ADGRB3: variants seen among roughly 807,000 people sequenced by gnomAD.
ADGRB3 encodes the protein adhesion G protein-coupled receptor B3.
In ADGRB3, 37 loss-of-function variants were observed where a neutral mutation model predicts 193.4. The ratio of observed to expected loss-of-function variants is 0.19; its 90% CI spans 0.15 to 0.25. ADGRB3 has a LOEUF of 0.25. Ranked by LOEUF, ADGRB3 falls within the 10% of genes least tolerant of loss-of-function variation. The pLI, the probability that ADGRB3 is intolerant of heterozygous loss-of-function variation, is 1.00. For synonymous variants in ADGRB3, 690 were observed against 644.2 expected (o/e 1.07, Z -1.08); for missense variants, 1,637 against 1,852.9 (o/e 0.88, Z 2.14).
chr6:68,647,110 A>G (rs182251247), intron 3 of ADGRB3, among the ~76,000 whole-genome samples: 1 of 152,340 alleles, frequency 6.6e-6, no homozygotes, highest in Admixed American at 6.5e-5. Flanking sequence ...AAGGTGTAGT[A>G]GCTCTCTAGA....
At chr6:69,173,101 G>A (rs917603772) in intron 17 of ADGRB3, among the ~76,000 whole-genome samples, 8 of 152,192 alleles carry the variant, frequency 5.3e-5, no homozygotes, top group African/African-American at 1.9e-4. Context: ...ACAGTGGTGT[G>A]ATGTCGGCTC....
intron 3 of ADGRB3, among the ~76,000 whole-genome samples, chr6:68,662,577 C>T (rs560192084): frequency 4.0e-5 from 6 of 151,484 alleles, no homozygotes; most frequent in African/African-American, 1.2e-4. Flanking sequence ...TAAACAATTG[C>T]TTTAGGAGTC....
intron 26 of ADGRB3, among the ~76,000 whole-genome samples, chr6:69,340,515 C>T (rs898071864): frequency 3.9e-5 from 6 of 152,152 alleles, no homozygotes; most frequent in East Asian, 3.9e-4. Flanking sequence ...AACACATGTA[C>T]GTATGAGTAT....
At chr6:68,821,298 A>G (rs1767744159) in intron 3 of ADGRB3, among the ~76,000 whole-genome samples, 1 of 152,026 alleles carries the variant, frequency 6.6e-6, no homozygotes, top group Non-Finnish European at 1.5e-5. Context: ...GTCTAAAAAC[A>G]GCAAAAAGTC....
intron 3 of ADGRB3, among the ~76,000 whole-genome samples, chr6:68,925,672 C>T (rs1404264503): frequency 6.6e-6 from 1 of 151,878 alleles, no homozygotes; most frequent in Non-Finnish European, 1.5e-5. Flanking sequence ...ATTAGCAAGT[C>T]ATTGTAGTTG....
chr6:68,917,169 A>C (rs1766905089), intron 3 of ADGRB3, among the ~76,000 whole-genome samples: 1 of 152,208 alleles, frequency 6.6e-6, no homozygotes, highest in Non-Finnish European at 1.5e-5. Context: ...TAAAATTGAC[A>C]GGACATGGAG....
At chr6:69,220,108 G>C (rs187603919) in intron 17 of ADGRB3, among the ~76,000 whole-genome samples, 6 of 151,868 alleles carry the variant, frequency 4.0e-5, no homozygotes, top group Non-Finnish European at 5.9e-5. Flanking sequence ...ATGTTTTTGG[G>C]AGATTTTCTC....
intron 28 of ADGRB3, among the ~76,000 whole-genome samples, chr6:69,356,506 G>A (rs531867486): frequency 3.3e-5 from 5 of 151,960 alleles, no homozygotes; most frequent in East Asian, 3.9e-4. Context: ...GAGAGAGAGA[G>A]AAAAAGAGAG....
intron 5 of ADGRB3, among the ~76,000 whole-genome samples, chr6:68,939,400 T>C (rs1767576293): frequency 6.6e-6 from 1 of 152,118 alleles, no homozygotes; most frequent in Non-Finnish European, 1.5e-5. Context: ...TGCATACCAA[T>C]TACTAGCCCC....
chr6:68,641,809 T>C (rs565058945), intron 3 of ADGRB3, among the ~76,000 whole-genome samples: 3 of 152,202 alleles, frequency 2.0e-5, no homozygotes, highest in Admixed American at 2.0e-4. Context: ...TGACCTTTGA[T>C]TTAATCAAAT....
At chr6:69,001,087 G>T (rs1769564091) in intron 11 of ADGRB3, among the ~76,000 whole-genome samples, 1 of 152,168 alleles carries the variant, frequency 6.6e-6, no homozygotes, top group Admixed American at 6.5e-5. Flanking sequence ...AGTGATATAA[G>T]TATAGCATGT....
chr6:69,187,121 A>G (rs895917471), intron 17 of ADGRB3, among the ~76,000 whole-genome samples: 1 of 151,946 alleles, frequency 6.6e-6, no homozygotes, highest in Non-Finnish European at 1.5e-5. Flanking sequence ...TCACTTTATT[A>G]TACTATTTAT....
At chr6:68,873,949 C>G (rs1343300967) in intron 3 of ADGRB3, among the ~76,000 whole-genome samples, 1 of 151,876 alleles carries the variant, frequency 6.6e-6, no homozygotes, top group African/African-American at 2.4e-5. Context: ...CTCAGAAAAT[C>G]CTAAATATTA....
chr6:68,797,953 G>T (rs996800300), intron 3 of ADGRB3, among the ~76,000 whole-genome samples: 3 of 152,082 alleles, frequency 2.0e-5, no homozygotes, highest in Admixed American at 1.3e-4. Context: ...AATGAATATA[G>T]CTGTGGGCAT....
chr6:69,122,214 T>C (rs1175522714), intron 17 of ADGRB3, among the ~76,000 whole-genome samples: 2 of 151,690 alleles, frequency 1.3e-5, no homozygotes, highest in Non-Finnish European at 2.9e-5. Flanking sequence ...CCTGGGAGGC[T>C]GAGACGGGCA....
chr6:68,751,682 C>T (rs540339922), intron 3 of ADGRB3, among the ~76,000 whole-genome samples: 2 of 152,048 alleles, frequency 1.3e-5, no homozygotes, highest in Non-Finnish European at 2.9e-5. Flanking sequence ...TTTAAAAATC[C>T]GTATACTATC....
chr6:68,826,421 A>G (rs1767845307), intron 3 of ADGRB3, among the ~76,000 whole-genome samples: 1 of 152,142 alleles, frequency 6.6e-6, no homozygotes, highest in Non-Finnish European at 1.5e-5. Context: ...AATAAAAGCA[A>G]GGGAGTCTGC....
intron 17 of ADGRB3, among the ~76,000 whole-genome samples, chr6:69,214,286 A>G (rs1470589745): frequency 1.3e-5 from 2 of 152,148 alleles, no homozygotes; most frequent in African/African-American, 4.8e-5. Flanking sequence ...ACCCTGAGGC[A>G]TCAGCTTAGT....
intron 17 of ADGRB3, among the ~76,000 whole-genome samples, chr6:69,210,364 C>T (rs7746527): frequency 0.14 from 21,626 of 151,122 alleles, 1,588 homozygotes; most frequent in Middle Eastern, 0.16. Flanking sequence ...TTTCACATTT[C>T]TCTGCCTACT....
Sources: allele counts gnomAD v4.1 joint callset (sites outside exome capture counted in the v4.1 genomes callset), GRCh38; gene constraint gnomAD v4.1.1; transcripts MANE v1.5; gene names NCBI Gene and HGNC (gene_info 2026-07-23, HGNC 2026-07-21).